SPATS2: variants seen among roughly 807,000 people sequenced by gnomAD.
SPATS2 encodes the protein spermatogenesis associated serine rich 2.
In SPATS2, 38 loss-of-function variants were observed where a neutral mutation model predicts 63.7. The observed-to-expected ratio is 0.60, with a 90% CI of 0.46 to 0.78. The LOEUF is 0.78. Among genes scored for constraint, SPATS2 ranks in the 30% least tolerant of loss-of-function variants. The pLI is 0.00. For missense variants in SPATS2, 588 were observed against 666.2 expected (o/e 0.88, Z 1.29); for synonymous variants, 207 against 232.9 (o/e 0.89, Z 1.01).
chr12:49,507,842 T>C (rs1450909341), intron 9 of SPATS2, among the ~76,000 whole-genome samples: 1 of 152,216 alleles, frequency 6.6e-6, no homozygotes, highest in Non-Finnish European at 1.5e-5. Context: ...GTTAATACGA[T>C]TGCATTTTAC....
intron 4 of SPATS2, 61 bp from the exon 5 acceptor site, chr12:49,489,404 G>A (rs1946347661): frequency 1.6e-6 from 2 of 1,276,954 alleles, no homozygotes; most frequent in Admixed American, 1.8e-5. Flanking sequence ...TCTCTGTATA[G>A]GCCTCAGCTG....
chr12:49,445,294 T>G (rs1945491238), intron 2 of SPATS2, among the ~76,000 whole-genome samples: 1 of 152,128 alleles, frequency 6.6e-6, no homozygotes, highest in African/African-American at 2.4e-5. Context: ...TTAAAAACCA[T>G]GAATGGGTAT....
At chr12:49,467,070 T>TG (rs1491486819) in intron 3 of SPATS2, among the ~76,000 whole-genome samples, 11 of 136,856 alleles carry the variant, frequency 8.0e-5, no homozygotes, top group Non-Finnish European at 1.6e-4. Flanking sequence ...TTTTTTTTTT[T>TG]GATGGAGTCT....
At chr12:49,502,976 T>A (rs1248823152) in intron 9 of SPATS2, among the ~76,000 whole-genome samples, 5 of 152,238 alleles carry the variant, frequency 3.3e-5, no homozygotes, top group African/African-American at 1.2e-4. Flanking sequence ...AACTGATTTT[T>A]CCCCTTTCTG....
At chr12:49,456,453 A>G (rs1447057726) in intron 2 of SPATS2, among the ~76,000 whole-genome samples, 1 of 152,252 alleles carries the variant, frequency 6.6e-6, no homozygotes. Context: ...GAAGGACATC[A>G]GAACAGACAA....
chr12:49,385,876 T>TTTTTGTG (rs1944309249), intron 2 of SPATS2, among the ~76,000 whole-genome samples: 2 of 123,618 alleles, frequency 1.6e-5, no homozygotes, highest in Non-Finnish European at 3.5e-5. Flanking sequence ...TGTTTTTTGT[T>TTTTTGTG]TTTTTTTTTT....
chr12:49,407,806 C>T, intron 2 of SPATS2, among the ~76,000 whole-genome samples: 1 of 152,206 alleles, frequency 6.6e-6, no homozygotes, highest in East Asian at 1.9e-4. Context: ...TGACCTACTG[C>T]CTCTTTTTGT....
chr12:49,511,397 A>G (rs969385483), intron 9 of SPATS2, among the ~76,000 whole-genome samples: 1 of 152,200 alleles, frequency 6.6e-6, no homozygotes, highest in Non-Finnish European at 1.5e-5. Flanking sequence ...CCCAGGCTTA[A>G]TAAGAACTAG....
At chr12:49,482,645 G>C (rs1946226018) in intron 3 of SPATS2, among the ~76,000 whole-genome samples, 1 of 152,162 alleles carries the variant, frequency 6.6e-6, no homozygotes, top group Non-Finnish European at 1.5e-5. Flanking sequence ...CCCAATTTGA[G>C]TATGCCATTC....
At chr12:49,466,850 T>TAG (rs1429319524) in intron 3 of SPATS2, among the ~76,000 whole-genome samples, 1 of 152,170 alleles carries the variant, frequency 6.6e-6, no homozygotes, top group Admixed American at 6.6e-5. Context: ...TGGAATCTGA[T>TAG]AGAGAGTGCA....
chr12:49,496,313 C>T (rs1372378074), intron 7 of SPATS2, among the ~76,000 whole-genome samples: 1 of 152,182 alleles, frequency 6.6e-6, no homozygotes, highest in Non-Finnish European at 1.5e-5. Flanking sequence ...TGGTCTCTCT[C>T]TGTTGCCCAA....
intron 2 of SPATS2, among the ~76,000 whole-genome samples, chr12:49,416,381 C>T (rs1179368562): frequency 6.6e-6 from 1 of 152,174 alleles, no homozygotes; most frequent in Non-Finnish European, 1.5e-5. Context: ...CCAGACATCT[C>T]TCTAACCCTG....
chr12:49,374,731 C>A (rs531443883), intron 2 of SPATS2, among the ~76,000 whole-genome samples: 1 of 152,018 alleles, frequency 6.6e-6, no homozygotes, highest in African/African-American at 2.4e-5. Flanking sequence ...GAGGCCGAGG[C>A]GGGCAGATCA....
intron 2 of SPATS2, chr12:49,454,347 A>T (rs1455452724): frequency 6.6e-6 from 1 of 152,298 alleles, no homozygotes; most frequent in Non-Finnish European, 1.5e-5. Context: ...AACAGAAGAG[A>T]ACACACATCA....
chr12:49,415,921 T>G (rs1409921272), intron 2 of SPATS2, among the ~76,000 whole-genome samples: 2 of 152,140 alleles, frequency 1.3e-5, no homozygotes, highest in African/African-American at 4.8e-5. Context: ...CCTTGAGGCC[T>G]TTGTTAACAT....
At chr12:49,414,799 A>G (rs1022643616) in intron 2 of SPATS2, among the ~76,000 whole-genome samples, 3 of 151,918 alleles carry the variant, frequency 2.0e-5, no homozygotes, top group African/African-American at 7.3e-5. Flanking sequence ...GAGTCTCACT[A>G]TGTTGCCCAG....
chr12:49,492,815 G>C (rs1946404738), intron 6 of SPATS2, among the ~76,000 whole-genome samples: 2 of 152,046 alleles, frequency 1.3e-5, no homozygotes, highest in Admixed American at 1.3e-4. Context: ...GAAAGATGAG[G>C]CCGGGCACGG....
At chr12:49,471,944 T>C (rs1050666652) in intron 3 of SPATS2, among the ~76,000 whole-genome samples, 9 of 152,196 alleles carry the variant, frequency 5.9e-5, no homozygotes, top group African/African-American at 2.2e-4. Flanking sequence ...GAAACCAGCC[T>C]GGGCAACACA....
Position 49,496,986 on chromosome 12 carries a change from C to T in SPATS2, c.680C>T (p.Pro227Leu), listed in dbSNP as rs774984347. The change falls in exon 8 of 14, where the codon CCC becomes CTC. Residue 227 changes from proline to leucine, a missense_variant. Physicochemically the swap from Pro to Leu is moderately conservative, Grantham distance 98. Transcript: ENST00000552918. Reference protein sequence around the residue: ...QFSNMGMEDVPLATSKKLSSN... With the variant: ...QFSNMGMEDVLLATSKKLSSN... ...TCAAATATGGGGATGGAAGATGTTCCCCTCGCCACCAGTAAAAAGCTAAGT... is the reference window on the plus strand; with the variant it reads ...TCAAATATGGGGATGGAAGATGTTCTCCTCGCCACCAGTAAAAAGCTAAGT... 4 of 1,564,382 alleles carry T rather than the reference C, an allele frequency of 2.6e-6. No individual in the cohort carries two copies. Among genetic ancestry groups the T allele is most frequent in the Non-Finnish European group, 3.5e-6 (4 of 1,157,656 alleles).
Sources: allele counts gnomAD v4.1 joint callset (sites outside exome capture counted in the v4.1 genomes callset), GRCh38; gene constraint gnomAD v4.1.1; transcripts MANE v1.5; gene names NCBI Gene and HGNC (gene_info 2026-07-23, HGNC 2026-07-21).